NKAIN3: variants seen among roughly 807,000 people sequenced by gnomAD.
The protein encoded by NKAIN3 is sodium/potassium-transporting ATPase subunit beta-1-interacting protein 3.
A neutral mutation model predicts 30.2 loss-of-function variants in NKAIN3; 25 were observed. The observed-to-expected ratio is 0.83, with a 90% CI of 0.60 to 1.16. The LOEUF (loss-of-function observed/expected upper bound fraction) is 1.16. Ranked by LOEUF, NKAIN3 falls within the 50% of genes most tolerant of loss-of-function variation. NKAIN3 has a pLI of 0.00. For synonymous variants in NKAIN3, 91 were observed against 89.6 expected (o/e 1.02, Z -0.09); for missense variants, 225 against 254.1 (o/e 0.89, Z 0.78).
At chr8:62,619,223 G>T (rs1056414433) in intron 3 of NKAIN3, among the ~76,000 whole-genome samples, 1 of 152,172 alleles carries the variant, frequency 6.6e-6, no homozygotes, top group African/African-American at 2.4e-5. Context: ...CCCATACTGG[G>T]TCACTTACCT....
At chr8:62,944,660 A>T (rs1347929676) in intron 5 of NKAIN3, among the ~76,000 whole-genome samples, 1 of 152,172 alleles carries the variant, frequency 6.6e-6, no homozygotes, top group Non-Finnish European at 1.5e-5. Context: ...GTAAACTGGA[A>T]ATTTTTAAGT....
At chr8:62,843,480 G>T (rs1819589022) in intron 4 of NKAIN3, among the ~76,000 whole-genome samples, 1 of 151,740 alleles carries the variant, frequency 6.6e-6, no homozygotes, top group South Asian at 2.1e-4. Flanking sequence ...GGGACTACAG[G>T]CACATGCCAC....
At chr8:62,407,142 A>G (rs377578925) in intron 1 of NKAIN3, among the ~76,000 whole-genome samples, 4 of 152,192 alleles carry the variant, frequency 2.6e-5, no homozygotes, top group South Asian at 2.1e-4. Context: ...GAGAAAAAAG[A>G]AAGTAGGTAT....
At chr8:62,541,481 T>G (rs1240430904) in intron 1 of NKAIN3, among the ~76,000 whole-genome samples, 1 of 152,214 alleles carries the variant, frequency 6.6e-6, no homozygotes, top group Non-Finnish European at 1.5e-5. Flanking sequence ...TGTAGCTTTT[T>G]GGAGTAATTT....
intron 1 of NKAIN3, among the ~76,000 whole-genome samples, chr8:62,502,193 C>G (rs1321393818): frequency 3.9e-5 from 6 of 152,044 alleles, no homozygotes; most frequent in African/African-American, 1.4e-4. Flanking sequence ...TCAATCAAGC[C>G]CTCCTATTGA....
chr8:62,778,870 C>G (rs1210363433), intron 4 of NKAIN3, among the ~76,000 whole-genome samples: 1 of 152,110 alleles, frequency 6.6e-6, no homozygotes, highest in African/African-American at 2.4e-5. Context: ...ACAGTGGGTA[C>G]TGCCTGGGTA....
chr8:62,865,083 G>T (rs189962293), intron 4 of NKAIN3, among the ~76,000 whole-genome samples: 116 of 152,154 alleles, frequency 7.6e-4, no homozygotes, highest in Non-Finnish European at 7.1e-4. Flanking sequence ...AAAAAAATAC[G>T]CTATGTTGGG....
chr8:62,919,492 G>A (rs1037016578), intron 5 of NKAIN3, among the ~76,000 whole-genome samples: 59 of 151,716 alleles, frequency 3.9e-4, no homozygotes, highest in African/African-American at 1.2e-3. Context: ...TGATCCACCC[G>A]CCTCGGCCTC....
chr8:62,674,234 T>C (rs1813402778), intron 3 of NKAIN3, among the ~76,000 whole-genome samples: 1 of 152,234 alleles, frequency 6.6e-6, no homozygotes, highest in South Asian at 2.1e-4. Context: ...CGGACTCTTG[T>C]GGCCTGGGCC....
intron 3 of NKAIN3, among the ~76,000 whole-genome samples, chr8:62,644,054 A>AAGATGAAG (rs1479780006): frequency 2.6e-5 from 4 of 152,120 alleles, no homozygotes; most frequent in Non-Finnish European, 4.4e-5. Context: ...AAGAAAGAGG[A>AAGATGAAG]AGATGAAGCC....
At chr8:62,826,194 G>A (rs998799567) in intron 4 of NKAIN3, among the ~76,000 whole-genome samples, 12 of 151,986 alleles carry the variant, frequency 7.9e-5, no homozygotes, top group African/African-American at 1.9e-4. Context: ...ACAATAGATC[G>A]TTGGAAATAC....
chr8:62,488,080 T>C (rs555415028), intron 1 of NKAIN3, among the ~76,000 whole-genome samples: 1 of 152,356 alleles, frequency 6.6e-6, no homozygotes, highest in African/African-American at 2.4e-5. Context: ...AGACATTGCA[T>C]CTTTAAACTG....
chr8:62,561,843 G>A (rs1296274856), intron 1 of NKAIN3, among the ~76,000 whole-genome samples: 1 of 152,070 alleles, frequency 6.6e-6, no homozygotes, highest in Non-Finnish European at 1.5e-5. Flanking sequence ...TTGAAACATA[G>A]GTCATAGCAT....
rs1039722812 is a variant in NKAIN3 at position 62,976,027 on chromosome 8, A to T, written c.*10620A>T. On this transcript the variant is annotated 3_prime_UTR_variant, in exon 7 of 7. Transcript: ENST00000623646. The stretch of plus-strand genomic sequence containing the variant: ...TTTCTTAATCCTGAGTTCTAACTTG[A>T]TTGCACTGTGGTCTGAGAGACTGTT... 6.6e-6 allele frequency among the ~76,000 whole-genome samples: 1 copy of T among 150,480 alleles called. No individual in the cohort carries two copies. Among genetic ancestry groups the T allele is most frequent in the Admixed American group, 6.6e-5 (1 of 15,198 alleles).
intron 6 of NKAIN3, among the ~76,000 whole-genome samples, chr8:62,964,719 G>A (rs985292654): frequency 1.3e-5 from 2 of 151,884 alleles, no homozygotes; most frequent in Non-Finnish European, 1.5e-5. Flanking sequence ...GCCTTATACC[G>A]ATTGCATGAG....
At chr8:62,421,212 G>A (rs371329330) in intron 1 of NKAIN3, among the ~76,000 whole-genome samples, 194 of 152,232 alleles carry the variant, frequency 1.3e-3, no homozygotes, top group African/African-American at 4.6e-3. Context: ...GCTCTCCTGT[G>A]CCCGTTGGTA....
chr8:62,842,978 A>G (rs747455792), intron 4 of NKAIN3, among the ~76,000 whole-genome samples: 9 of 152,112 alleles, frequency 5.9e-5, no homozygotes, highest in Non-Finnish European at 1.3e-4. Flanking sequence ...CTCAAGTAAC[A>G]AAAGCACAAA....
At chr8:62,271,460 G>A (rs1232963311) in intron 1 of NKAIN3, among the ~76,000 whole-genome samples, 1 of 152,166 alleles carries the variant, frequency 6.6e-6, no homozygotes, top group African/African-American at 2.4e-5. Flanking sequence ...AGGTATATCT[G>A]AAATGGTAGT....
chr8:62,585,477 C>A (rs1352097070), intron 2 of NKAIN3, among the ~76,000 whole-genome samples: 1 of 152,128 alleles, frequency 6.6e-6, no homozygotes, highest in Non-Finnish European at 1.5e-5. Flanking sequence ...CATTCCCAAA[C>A]TTTTTGACAC....
Sources: gnomAD v4.1 joint callset for allele counts (sites outside exome capture counted in the v4.1 genomes callset) on GRCh38, gnomAD v4.1.1 for gene constraint, MANE v1.5 for transcripts, NCBI Gene and HGNC (gene_info 2026-07-23, HGNC 2026-07-21) for gene names.